The following P2RY12 variants were observed in gnomAD, a reference collection of about 807,000 sequenced individuals.
P2RY12 encodes purinergic receptor P2Y12, also known as P2Y purinoceptor 12.
In P2RY12, 3 loss-of-function variants were observed where a neutral mutation model predicts 4.5. The observed-to-expected ratio is 0.67, with a 90% CI of 0.31 to 1.74. The LOEUF is 1.74. Ranked by LOEUF, P2RY12 falls within the 40% of genes most tolerant of loss-of-function variation. P2RY12 has a pLI of 0.09. For synonymous variants in P2RY12, 148 were observed against 154.1 expected (o/e 0.96, Z 0.29); for missense variants, 356 against 407.8 (o/e 0.87, Z 1.09).
At chr3:151,341,283 C>T (rs1055786130) in intron 1 of P2RY12, among the ~76,000 whole-genome samples, 2 of 152,076 alleles carry the variant, frequency 1.3e-5, no homozygotes, top group Non-Finnish European at 2.9e-5. Context: ...GAAACAGCTT[C>T]CTTCTATTAT....
At chr3:151,350,424 A>C (rs1002715872) in intron 1 of P2RY12, among the ~76,000 whole-genome samples, 1 of 152,004 alleles carries the variant, frequency 6.6e-6, no homozygotes, top group African/African-American at 2.4e-5. Flanking sequence ...ATTAATATTA[A>C]ATATTATTTT....
Position 151,345,757 on chromosome 3 carries a change from A to T in P2RY12, c.-179-4997T>A, listed in dbSNP as rs1752463205. ...GGTCTCGAACTCATGACCTCAGGTG[A>T]TCCTCCACCTCAGCCTCCCAAAGTG... is the stretch of plus-strand genomic sequence containing the variant. On this transcript the variant is annotated intron_variant, in intron 1 of 2. Coordinates refer to ENST00000302632, the MANE Select transcript of P2RY12 (RefSeq NM_022788.5). Among the ~76,000 whole-genome samples, 6 of 152,070 alleles carry T rather than the reference A, an allele frequency of 3.9e-5. No homozygotes were observed. In the South Asian group the frequency reaches 1.2e-3, roughly 32 times the overall value.
At chr3:151,368,637 T>TTCATGTCATG (rs1755663601) in intron 1 of P2RY12, among the ~76,000 whole-genome samples, 3 of 55,542 alleles carry the variant, frequency 5.4e-5, no homozygotes, top group African/African-American at 2.3e-4. Flanking sequence ...TTTATTTCAT[T>TTCATGTCATG]TCATTTCATT....
rs1751399254 is a variant in P2RY12 at position 151,338,832 on chromosome 3, T to C, written c.14A>G (p.Asp5Gly). 3.1e-6 allele frequency: 5 copies of C among 1,613,538 alleles called. No homozygotes were observed. The highest frequency in any genetic ancestry group is 1.3e-5 in the African/African-American group (1 of 74,870). ...GTTACCAGGCGCAGAGGTGAGGTTG[T>C]CGACGGCTTGCATTTCTTGTTGGTT... is the stretch of plus-strand genomic sequence containing the variant. MQAV[D>G]NLTSAPGNTS... Residue 5 changes from aspartate (D) to glycine (G), a missense_variant, in exon 3 of 3, where the codon GAC becomes GGC. Asp to Gly is a moderately conservative substitution (Grantham distance 94). Transcript: ENST00000302632.
chr3:151,351,054 C>T (rs772754475), intron 1 of P2RY12, among the ~76,000 whole-genome samples: 8 of 152,168 alleles, frequency 5.3e-5, no homozygotes, highest in Non-Finnish European at 1.2e-4. Context: ...ATGTAAACAA[C>T]ATTCTTCCTG....
At chr3:151,381,299 G>A (rs145026705) in intron 1 of P2RY12, among the ~76,000 whole-genome samples, 303 of 152,024 alleles carry the variant, frequency 2.0e-3, no homozygotes, top group South Asian at 7.9e-3. Flanking sequence ...TCACCTTTTG[G>A]GTAGGAGAGA....
chr3:151,369,041 G>A (rs909600617), intron 1 of P2RY12, among the ~76,000 whole-genome samples: 5 of 152,046 alleles, frequency 3.3e-5, no homozygotes, highest in African/African-American at 7.2e-5. Context: ...GATTACAGGC[G>A]TGAGCCACCG....
intron 1 of P2RY12, among the ~76,000 whole-genome samples, chr3:151,371,162 C>G (rs921999929): frequency 2.0e-5 from 3 of 152,152 alleles, no homozygotes; most frequent in African/African-American, 7.2e-5. Context: ...CCTTTCTTCT[C>G]TTTTCTTATT....
intron 1 of P2RY12, chr3:151,377,013 T>C: frequency 6.2e-7 from 1 of 1,613,926 alleles, no homozygotes; most frequent in Non-Finnish European, 8.5e-7. Context: ...GTGGCCGAAA[T>C]GAACAACTTA....
At chr3:151,348,425 G>C (rs923692990) in intron 1 of P2RY12, among the ~76,000 whole-genome samples, 2 of 151,298 alleles carry the variant, frequency 1.3e-5, no homozygotes, top group African/African-American at 4.9e-5. Context: ...TTAGCAAGCA[G>C]CTCAGCTCAT....
At chr3:151,338,953 T>A in intron 2 of P2RY12, 94 bp from the exon 3 acceptor site, 1 of 1,100,528 alleles carries the variant, frequency 9.1e-7, no homozygotes, top group Non-Finnish European at 1.4e-6. Flanking sequence ...CAGCCTCCTC[T>A]AAAAGTTGAG....
rs16863320 is a variant in P2RY12 at position 151,338,300 on chromosome 3, G to A, written c.546C>T (p.Phe182=). The change falls in exon 3 of 3, where the codon TTC becomes TTT. Residue 182 remains phenylalanine, a synonymous_variant. Transcript: ENST00000302632. ...TTACTATTTCATGCCAGACTAGACC[G>A]AACTCTGATTTAAGGAAAGAGCATT... ...VKKCSFLKSE[F]GLVWHEIVNY... 10,817 of 1,613,960 alleles carry A rather than the reference G, an allele frequency of 6.7e-3. 632 individuals are homozygous for A. In the African/African-American group the frequency reaches 0.13, roughly 19 times the overall value.
At chr3:151,347,111 A>AC (rs1752640055) in intron 1 of P2RY12, among the ~76,000 whole-genome samples, 1 of 151,988 alleles carries the variant, frequency 6.6e-6, no homozygotes. Flanking sequence ...TTTGCTTCTT[A>AC]GTCTTCATTC....
chr3:151,354,377 C>T (rs1753664686), intron 1 of P2RY12, among the ~76,000 whole-genome samples: 1 of 151,822 alleles, frequency 6.6e-6, no homozygotes, highest in Non-Finnish European at 1.5e-5. Flanking sequence ...CCTCTTTATG[C>T]TAATTTGATA....
At chr3:151,345,776 C>G (rs921766973) in intron 1 of P2RY12, among the ~76,000 whole-genome samples, 27 of 152,224 alleles carry the variant, frequency 1.8e-4, no homozygotes, top group African/African-American at 6.3e-4. Context: ...CTCAGCCTCC[C>G]AAAGTGCTGG....
intron 1 of P2RY12, among the ~76,000 whole-genome samples, chr3:151,368,737 TTCATTTCATTTCATG>T: frequency 1.3e-5 from 1 of 77,204 alleles, no homozygotes; most frequent in Non-Finnish European, 2.7e-5. Context: ...TTCATTTCAT[TTCATTTCATTTCATG>T]TCATTTCATT....
chr3:151,343,122 T>A lies in P2RY12; in HGVS notation c.-179-2362A>T, dbSNP rs540980458. ...CCCCAGTAGTGAGAAGTGAATCTCG[T>A]GTGGGATGGTTGTACGTCTTTCAAT... is the stretch of plus-strand genomic sequence containing the variant. On this transcript the variant is annotated intron_variant, in intron 1 of 2. Coordinates refer to ENST00000302632, the MANE Select transcript of P2RY12 (RefSeq NM_022788.5). Among the ~76,000 whole-genome samples the A allele has an allele frequency of 1.8e-4, 27 of 152,258 alleles. No individual in the cohort carries two copies. In the South Asian group the frequency reaches 4.6e-3, roughly 26 times the overall value.
At chr3:151,358,960 A>C (rs895845471) in intron 1 of P2RY12, among the ~76,000 whole-genome samples, 2 of 152,128 alleles carry the variant, frequency 1.3e-5, no homozygotes, top group African/African-American at 4.8e-5. Context: ...TTTAGAACAG[A>C]TTTATTACAG....
intron 1 of P2RY12, among the ~76,000 whole-genome samples, chr3:151,358,426 A>G (rs1754200543): frequency 6.6e-6 from 1 of 152,170 alleles, no homozygotes; most frequent in Non-Finnish European, 1.5e-5. Flanking sequence ...CACATAGCTA[A>G]TAAATCTCAC....
Sources: gnomAD v4.1 joint callset for allele counts (sites outside exome capture counted in the v4.1 genomes callset) on GRCh38, gnomAD v4.1.1 for gene constraint, MANE v1.5 for transcripts, NCBI Gene and HGNC (gene_info 2026-07-23, HGNC 2026-07-21) for gene names.